The following MFHAS1 variants were observed in gnomAD, a reference collection of about 807,000 sequenced individuals.
MFHAS1 encodes the protein malignant fibrous histiocytoma-amplified sequence 1.
A neutral mutation model predicts 70.4 loss-of-function variants in MFHAS1; 50 were observed. That is an observed-to-expected ratio of 0.71 (90% confidence interval 0.57 to 0.90). MFHAS1 has a LOEUF of 0.90. Ranked by LOEUF, MFHAS1 falls within the 40% of genes least tolerant of loss-of-function variation. The pLI is 0.00. For synonymous variants in MFHAS1, 952 were observed against 620.0 expected, an observed-to-expected ratio of 1.54 and a Z score of -7.96; for missense variants, 1,795 against 1,347.6, an observed-to-expected ratio of 1.33 and a Z score of -5.20.
chr8:8,881,353 C>A (rs1002544874), intron 1 of MFHAS1, among the ~76,000 whole-genome samples: 2 of 152,200 alleles, frequency 1.3e-5, no homozygotes, highest in African/African-American at 2.4e-5. Context: ...CACGCAGCCA[C>A]CATCATATAG....
At chr8:8,798,357 G>C (rs1805978328) in intron 1 of MFHAS1, among the ~76,000 whole-genome samples, 1 of 152,082 alleles carries the variant, frequency 6.6e-6, no homozygotes, top group South Asian at 2.1e-4. Context: ...ACAGGCTCTT[G>C]GTTTGTCACC....
intron 1 of MFHAS1, among the ~76,000 whole-genome samples, chr8:8,858,366 A>G (rs986909494): frequency 2.0e-5 from 3 of 152,194 alleles, no homozygotes; most frequent in Non-Finnish European, 2.9e-5. Flanking sequence ...TAACATTATT[A>G]CCCTTTGAAA....
At chr8:8,823,078 C>T (rs1433549812) in intron 1 of MFHAS1, among the ~76,000 whole-genome samples, 1 of 152,190 alleles carries the variant, frequency 6.6e-6, no homozygotes, top group Non-Finnish European at 1.5e-5. Context: ...CAGAGATTCT[C>T]TTCCCCATCC....
chr8:8,788,955 GT>G (rs1484866350), intron 2 of MFHAS1, among the ~76,000 whole-genome samples: 2 of 152,228 alleles, frequency 1.3e-5, no homozygotes, highest in African/African-American at 4.8e-5. Flanking sequence ...ACGGCCAGGA[GT>G]TTGAACTTGA....
At chr8:8,813,529 G>A (rs1055322938) in intron 1 of MFHAS1, among the ~76,000 whole-genome samples, 1 of 152,068 alleles carries the variant, frequency 6.6e-6, no homozygotes, top group Admixed American at 6.6e-5. Context: ...CCCTGTGTAG[G>A]CCTGAGCCAA....
At chr8:8,804,864 C>T (rs968072620) in intron 1 of MFHAS1, among the ~76,000 whole-genome samples, 1 of 152,248 alleles carries the variant, frequency 6.6e-6, no homozygotes, top group Non-Finnish European at 1.5e-5. Context: ...AGCCCATGAC[C>T]TCAGCTTTTC....
At chr8:8,797,221 G>T (rs1243437723) in intron 2 of MFHAS1, 144 bp downstream of exon 2, 6 of 796,312 alleles carry the variant, frequency 7.5e-6, no homozygotes, top group African/African-American at 7.1e-5. Flanking sequence ...TCATGATGCT[G>T]ATGTCATCCA....
intron 1 of MFHAS1, among the ~76,000 whole-genome samples, chr8:8,820,039 T>A (rs1274669894): frequency 6.6e-6 from 1 of 152,034 alleles, no homozygotes; most frequent in African/African-American, 2.4e-5. Context: ...AAATAAACAA[T>A]CCCAGTGTAA....
At chr8:8,872,723 C>A (rs1180080295) in intron 1 of MFHAS1, among the ~76,000 whole-genome samples, 1 of 151,864 alleles carries the variant, frequency 6.6e-6, no homozygotes. Context: ...AAGGCAAATT[C>A]CTGAAGGGAC....
intron 1 of MFHAS1, among the ~76,000 whole-genome samples, chr8:8,849,577 C>A: frequency 6.6e-6 from 1 of 152,246 alleles, no homozygotes. Context: ...TTCACAGCTG[C>A]GGTCCTGTTC....
At chr8:8,854,611 G>A (rs1030537812) in intron 1 of MFHAS1, among the ~76,000 whole-genome samples, 4 of 151,756 alleles carry the variant, frequency 2.6e-5, no homozygotes, top group African/African-American at 9.7e-5. Flanking sequence ...CTTGAACCTT[G>A]GAGGTGGAGG....
intron 1 of MFHAS1, chr8:8,822,184 A>G (rs543762453): frequency 6.6e-6 from 1 of 152,608 alleles, no homozygotes; most frequent in Admixed American, 6.5e-5. Context: ...GGCAGATCAG[A>G]CAGCTCCCTG....
At chr8:8,867,241 T>C (rs1156437912) in intron 1 of MFHAS1, among the ~76,000 whole-genome samples, 3 of 152,224 alleles carry the variant, frequency 2.0e-5, no homozygotes, top group South Asian at 2.1e-4. Context: ...CATCAGCATA[T>C]GCAAACCCAC....
chr8:8,882,179 G>A (rs199741327), intron 1 of MFHAS1, among the ~76,000 whole-genome samples: 3 of 152,174 alleles, frequency 2.0e-5, no homozygotes, highest in Middle Eastern at 3.4e-3. Context: ...TCAGGAGTTC[G>A]AGACCAGCCT....
intron 1 of MFHAS1, among the ~76,000 whole-genome samples, chr8:8,826,689 C>T (rs918057810): frequency 3.3e-5 from 5 of 152,294 alleles, no homozygotes; most frequent in East Asian, 1.9e-4. Context: ...GCTGAGATCA[C>T]GCCACTGCAC....
At chr8:8,841,260 C>T (rs1034506827) in intron 1 of MFHAS1, among the ~76,000 whole-genome samples, 1 of 151,898 alleles carries the variant, frequency 6.6e-6, no homozygotes, top group East Asian at 1.9e-4. Flanking sequence ...GGATCACCTG[C>T]GGTCATGAGT....
chr8:8,856,868 T>C (rs904411075), intron 1 of MFHAS1, among the ~76,000 whole-genome samples: 1 of 151,700 alleles, frequency 6.6e-6, no homozygotes, highest in Non-Finnish European at 1.5e-5. Flanking sequence ...CAGGGCTTTG[T>C]TTATACACTG....
chr8:8,804,720 T>C (rs150827867), intron 1 of MFHAS1, among the ~76,000 whole-genome samples: 1 of 152,200 alleles, frequency 6.6e-6, no homozygotes, highest in Admixed American at 6.5e-5. Flanking sequence ...CACTCTTGAT[T>C]ACTTCTGCGA....
intron 1 of MFHAS1, among the ~76,000 whole-genome samples, chr8:8,824,967 T>C (rs1303152977): frequency 6.6e-6 from 1 of 152,196 alleles, no homozygotes; most frequent in Non-Finnish European, 1.5e-5. Flanking sequence ...CATTTGCAGG[T>C]TCCCAGGCTA....
Sources: allele counts gnomAD v4.1 joint callset (sites outside exome capture counted in the v4.1 genomes callset), GRCh38; gene constraint gnomAD v4.1.1; transcripts MANE v1.5; gene names NCBI Gene and HGNC (gene_info 2026-07-23, HGNC 2026-07-21).